Variants in AGBL1 observed in about 807,000 individuals in gnomAD.
AGBL1 encodes AGBL carboxypeptidase 1, also known as cytosolic carboxypeptidase 4.
In AGBL1, 130 loss-of-function variants were observed where a neutral mutation model predicts 118.9. The observed-to-expected ratio is 1.09, with a 90% CI of 0.95 to 1.26. The LOEUF is 1.26. Among genes scored for constraint, AGBL1 ranks in the 50% most tolerant of loss-of-function variants. The pLI, the probability that AGBL1 is intolerant of heterozygous loss-of-function variation, is 0.00. For missense variants in AGBL1, 1,584 were observed against 1,298.1 expected, an observed-to-expected ratio of 1.22 and a Z score of -3.38; for synonymous variants, 555 against 478.9, an observed-to-expected ratio of 1.16 and a Z score of -2.08.
chr15:86,820,554 T>C (rs537193984), intron 22 of AGBL1, among the ~76,000 whole-genome samples: 1 of 152,280 alleles, frequency 6.6e-6, no homozygotes, highest in East Asian at 1.9e-4. Flanking sequence ...GAAGACATTT[T>C]TGCGGCCAAG....
intron 22 of AGBL1, among the ~76,000 whole-genome samples, chr15:86,713,908 T>G (rs2086599133): frequency 6.6e-6 from 1 of 152,194 alleles, no homozygotes; most frequent in South Asian, 2.1e-4. Flanking sequence ...AAGTTGAGCA[T>G]GCGGCTGTTA....
At chr15:86,511,959 G>A (rs2083057445) in intron 18 of AGBL1, among the ~76,000 whole-genome samples, 1 of 151,978 alleles carries the variant, frequency 6.6e-6, no homozygotes, top group South Asian at 2.1e-4. Flanking sequence ...CTTTTGTGGT[G>A]TCAGAAAGCA....
intron 19 of AGBL1, among the ~76,000 whole-genome samples, chr15:86,536,419 T>TCCTGCC (rs1416108778): frequency 2.6e-5 from 4 of 152,188 alleles, no homozygotes; most frequent in African/African-American, 9.7e-5. Flanking sequence ...CAAGCAATTC[T>TCCTGCC]CCTGCCTCAG....
At chr15:86,479,726 C>A (rs1010622005) in intron 18 of AGBL1, among the ~76,000 whole-genome samples, 1 of 152,174 alleles carries the variant, frequency 6.6e-6, no homozygotes, top group South Asian at 2.1e-4. Context: ...CCAGCCATCC[C>A]ATTACTGGGT....
At chr15:86,486,950 C>T (rs2082720299) in intron 18 of AGBL1, among the ~76,000 whole-genome samples, 1 of 152,066 alleles carries the variant, frequency 6.6e-6, no homozygotes, top group African/African-American at 2.4e-5. Flanking sequence ...TTTCCAGCTT[C>T]TCCTCTTTCT....
intron 1 of AGBL1, among the ~76,000 whole-genome samples, chr15:86,134,838 C>A (rs1461869057): frequency 6.6e-6 from 1 of 151,828 alleles, no homozygotes; most frequent in Non-Finnish European, 1.5e-5. Context: ...TGGTCTCGAT[C>A]TCCTGACCTC....
chr15:86,468,177 T>C (rs886262595), intron 18 of AGBL1, among the ~76,000 whole-genome samples: 27 of 152,124 alleles, frequency 1.8e-4, no homozygotes, highest in African/African-American at 6.0e-4. Flanking sequence ...GAAGAAAAAT[T>C]GCATGTCTGC....
At chr15:86,558,559 A>G (rs1185222761) in intron 21 of AGBL1, among the ~76,000 whole-genome samples, 1 of 152,180 alleles carries the variant, frequency 6.6e-6, no homozygotes, top group African/African-American at 2.4e-5. Context: ...TCTGTATGCA[A>G]ATCTCAGCAT....
intron 18 of AGBL1, among the ~76,000 whole-genome samples, chr15:86,443,142 C>G (rs1009169991): frequency 6.6e-6 from 1 of 152,176 alleles, no homozygotes; most frequent in Non-Finnish European, 1.5e-5. Context: ...CCTAGTGGCT[C>G]TCTCTCCACT....
intron 24 of AGBL1, among the ~76,000 whole-genome samples, chr15:87,010,838 A>C (rs1433445): frequency 0.65 from 98,441 of 151,926 alleles, 32,537 homozygotes; most frequent in South Asian, 0.76. Context: ...GTCTGCCTAC[A>C]TACTTACCTA....
chr15:86,384,207 C>G (rs2081151127), intron 17 of AGBL1, among the ~76,000 whole-genome samples: 1 of 152,134 alleles, frequency 6.6e-6, no homozygotes. Flanking sequence ...CTTGAGGTGT[C>G]AGGAGCTTTC....
intron 22 of AGBL1, among the ~76,000 whole-genome samples, chr15:86,738,013 T>TATC (rs570381222): frequency 1.3e-5 from 2 of 152,268 alleles, no homozygotes; most frequent in East Asian, 3.9e-4. Flanking sequence ...AAATGTGATA[T>TATC]ATCACATCAA....
Position 86,537,354 on chromosome 15 carries a change from C to G in AGBL1, c.2686-8648C>G, listed in dbSNP as rs116794035. Among the ~76,000 whole-genome samples the G allele has an allele frequency of 8.4e-3, 1,285 of 152,316 alleles. 20 individuals are homozygous for G. The highest frequency in any genetic ancestry group is 0.03 in the African/African-American group (1,234 of 41,566). On this transcript the variant is annotated intron_variant, in intron 19 of 22. Transcript: ENST00000614907. ...ACCTCGAGAACTTCAGTACCTGCAA[C>G]TGAGCGAGACAGATGGCAAAGGCCT...
intron 22 of AGBL1, among the ~76,000 whole-genome samples, chr15:86,768,137 A>G (rs1310536479): frequency 6.6e-6 from 1 of 151,924 alleles, no homozygotes; most frequent in East Asian, 1.9e-4. Context: ...GGAACATTGC[A>G]TTACAGCTGA....
chr15:86,499,817 G>C (rs1044325590), intron 18 of AGBL1, among the ~76,000 whole-genome samples: 1 of 151,908 alleles, frequency 6.6e-6, no homozygotes, highest in Non-Finnish European at 1.5e-5. Flanking sequence ...CTGGTTAGCA[G>C]TCAGTAGACA....
chr15:86,722,429 G>A (rs1399576309), intron 22 of AGBL1, among the ~76,000 whole-genome samples: 1 of 152,166 alleles, frequency 6.6e-6, no homozygotes, highest in African/African-American at 2.4e-5. Flanking sequence ...TTTAATAAAT[G>A]GTGCTGGGAA....
rs138129708 is a variant in AGBL1, at chr15:86,696,018, G to T, written c.3158+21582G>T. On this transcript the variant is annotated intron_variant, in intron 22 of 22. Transcript: ENST00000614907. ...GAGACTTGTTTTGTGGCCTATCTTGGAGAAATTTCCATGTGCTCATGAGTA... is the reference window on the plus strand; with the variant it reads ...GAGACTTGTTTTGTGGCCTATCTTGTAGAAATTTCCATGTGCTCATGAGTA... Among the ~76,000 whole-genome samples the T allele has an allele frequency of 1.2e-3, 189 of 151,532 alleles. 1 individual carries two copies. The highest frequency in any genetic ancestry group is 2.1e-3 in the Non-Finnish European group (139 of 67,602).
In AGBL1 at chr15:86,936,058, G is replaced by A. The variant is rs147498979; in HGVS notation, c.3222-51929G>A. On this transcript the variant is annotated intron_variant, in intron 23 of 24. Coordinates refer to the AGBL1 transcript ENST00000441037. ...GCCGCCACTGAGCAGCAGAGCGGCC[G>A]AGGATGGGTCTCACAGGCGGGCTGC... is the stretch of plus-strand genomic sequence containing the variant. Among the ~76,000 whole-genome samples, 831 of 152,338 alleles carry A rather than the reference G, an allele frequency of 5.5e-3. 12 individuals carry two copies. The highest frequency in any genetic ancestry group is 0.019 in the African/African-American group (801 of 41,580).
intron 22 of AGBL1, among the ~76,000 whole-genome samples, chr15:86,739,084 T>C (rs1402910474): frequency 2.0e-5 from 3 of 152,128 alleles, no homozygotes; most frequent in Non-Finnish European, 4.4e-5. Flanking sequence ...AGGTTGATGC[T>C]GCAGTGAGCC....
Sources: allele counts gnomAD v4.1 joint callset (sites outside exome capture counted in the v4.1 genomes callset), GRCh38; gene constraint gnomAD v4.1.1; transcripts MANE v1.5; gene names NCBI Gene and HGNC (gene_info 2026-07-23, HGNC 2026-07-21).